Variants in COL25A1 observed in about 807,000 individuals in gnomAD.
COL25A1 encodes collagen type XXV alpha 1 chain, also known as collagen alpha-1(XXV) chain.
A neutral mutation model predicts 128.4 loss-of-function variants in COL25A1; 103 were observed. That is an observed-to-expected ratio of 0.80 (90% confidence interval 0.68 to 0.94). COL25A1 has a LOEUF of 0.94. Among genes scored for constraint, COL25A1 ranks in the 40% least tolerant of loss-of-function variants. COL25A1 has a pLI of 0.00. For synonymous variants in COL25A1, 279 were observed against 277.2 expected (o/e 1.01, Z -0.06); for missense variants, 745 against 840.0 (o/e 0.89, Z 1.40).
At chr4:109,096,019 G>A (rs542699697) in intron 3 of COL25A1, among the ~76,000 whole-genome samples, 1 of 152,300 alleles carries the variant, frequency 6.6e-6, no homozygotes, top group South Asian at 2.1e-4. Context: ...AACTGAAGTG[G>A]AGCGAACGTG....
At chr4:108,845,546 T>C (rs1175210437) in intron 28 of COL25A1, among the ~76,000 whole-genome samples, 1 of 152,236 alleles carries the variant, frequency 6.6e-6, no homozygotes, top group Non-Finnish European at 1.5e-5. Context: ...TTATATCTTT[T>C]ATGGTGGTGC....
chr4:109,036,210 A>G (rs942837617), intron 5 of COL25A1, among the ~76,000 whole-genome samples: 1 of 152,096 alleles, frequency 6.6e-6, no homozygotes, highest in African/African-American at 2.4e-5. Flanking sequence ...TACAGGCATG[A>G]GCTACCATGC....
chr4:109,268,171 C>T (rs1327925662), intron 3 of COL25A1, among the ~76,000 whole-genome samples: 1 of 152,186 alleles, frequency 6.6e-6, no homozygotes, highest in African/African-American at 2.4e-5. Flanking sequence ...AGCACAATTA[C>T]TTTTGTCACA....
At chr4:109,094,737 G>T (rs1028249794) in intron 3 of COL25A1, among the ~76,000 whole-genome samples, 1 of 152,162 alleles carries the variant, frequency 6.6e-6, no homozygotes, top group South Asian at 2.1e-4. Context: ...TAGAATTTCA[G>T]ACAATCAGTG....
At chr4:109,275,205 G>C (rs545038379) in intron 3 of COL25A1, among the ~76,000 whole-genome samples, 44 of 152,236 alleles carry the variant, frequency 2.9e-4, no homozygotes, top group African/African-American at 1.1e-3. Flanking sequence ...CGTGCATGTA[G>C]CATGGCTGGG....
intron 6 of COL25A1, among the ~76,000 whole-genome samples, chr4:108,988,538 G>A (rs1753864602): frequency 6.6e-6 from 1 of 152,204 alleles, no homozygotes; most frequent in Non-Finnish European, 1.5e-5. Context: ...GTCTCCTGGA[G>A]AGGAAATGAA....
intron 3 of COL25A1, among the ~76,000 whole-genome samples, chr4:109,290,903 T>C (rs545135130): frequency 1.3e-5 from 2 of 152,270 alleles, no homozygotes; most frequent in South Asian, 4.1e-4. Context: ...TTTCCAGCCT[T>C]TCTTACTTGT....
intron 5 of COL25A1, among the ~76,000 whole-genome samples, chr4:109,026,157 C>T (rs185888458): frequency 4.5e-4 from 68 of 150,148 alleles, no homozygotes; most frequent in Non-Finnish European, 8.9e-4. Flanking sequence ...AATTAGTTCG[C>T]GGGTTCTCTA....
rs77374570 is a variant in COL25A1, at chr4:109,204,331, C to T, written c.367+96252G>A. 0.011 allele frequency among the ~76,000 whole-genome samples: 1,640 copies of T among 152,204 alleles called. 59 individuals carry two copies. The South Asian group carries it at 0.14, about 13-fold the overall frequency. On this transcript the variant is annotated intron_variant, in intron 3 of 37. Transcript: ENST00000399132. ...ACATTTTTATATAGGTTATCAGTTT[C>T]GCATTATAATTTGAGATAATAATTC... is the stretch of plus-strand genomic sequence containing the variant.
At chr4:108,846,058 A>G in intron 28 of COL25A1, 81 bp downstream of exon 28, 1 of 922,072 alleles carries the variant, frequency 1.1e-6, no homozygotes. Context: ...AGCTAATAAT[A>G]TAACTCTTTT....
intron 3 of COL25A1, among the ~76,000 whole-genome samples, chr4:109,084,823 T>C (rs989621701): frequency 2.6e-5 from 4 of 152,198 alleles, no homozygotes; most frequent in Admixed American, 2.6e-4. Context: ...TCATTTTATG[T>C]TGTTTTCTGC....
At chr4:109,161,303 A>T (rs1156392769) in intron 3 of COL25A1, among the ~76,000 whole-genome samples, 1 of 152,232 alleles carries the variant, frequency 6.6e-6, no homozygotes, top group Non-Finnish European at 1.5e-5. Context: ...TCTATAGTGT[A>T]TGGGACAGCC....
At chr4:109,156,113 ACCT>A (rs1397480550) in intron 3 of COL25A1, among the ~76,000 whole-genome samples, 1 of 152,046 alleles carries the variant, frequency 6.6e-6, no homozygotes, top group Non-Finnish European at 1.5e-5. Context: ...CTCTAATTTG[ACCT>A]CCTGAGAAAG....
chr4:109,050,131 T>G lies in COL25A1; in HGVS notation c.412+4A>C, dbSNP rs1487791835. The G allele has an allele frequency of 6.2e-7, 1 of 1,608,946 alleles. No individual in the cohort carries two copies. The highest frequency in any genetic ancestry group is 8.5e-7 in the Non-Finnish European group (1 of 1,176,634). On this transcript the variant is annotated splice_donor_region_variant and intron_variant, in intron 4 of 37. Transcript: ENST00000399132. ...GACACAGAGCAGCTGAAAGAGAGAC[T>G]TACCAGATTCTCCTCTTCGGCCTCT...
Position 108,810,613 on chromosome 4 carries a change from CATCAA to C in COL25A1, c.*3309_*3313del. Reference sequence around the variant, plus strand: ...CTCTGATGCTAGTTTTGTCATGTTTCATCAAATCATATAAACTAAAAGACGAGTGA... The same window carrying C: ...CTCTGATGCTAGTTTTGTCATGTTTCATCATATAAACTAAAAGACGAGTGA... On this transcript the variant is annotated 3_prime_UTR_variant, in exon 38 of 38. Transcript: ENST00000399132. The C allele has an allele frequency of 6.6e-6, 1 of 151,970 alleles. No individual in the cohort carries two copies. The highest frequency in any genetic ancestry group is 1.9e-4 in the East Asian group (1 of 5,180). 9.4% of individuals were successfully genotyped at this position (151,970 alleles called of 1,614,324 possible). A position where few individuals can be genotyped will look rare whatever the true frequency, so the allele number is the denominator to read the frequency against.
intron 6 of COL25A1, among the ~76,000 whole-genome samples, chr4:109,005,228 A>G (rs1302725546): frequency 1.3e-5 from 2 of 152,168 alleles, no homozygotes; most frequent in African/African-American, 2.4e-5. Context: ...GAGAGGTGGC[A>G]GGGAGTTGCT....
intron 8 of COL25A1, among the ~76,000 whole-genome samples, chr4:108,942,749 CTTTTTTTTT>C (rs746618908): frequency 7.1e-5 from 5 of 69,962 alleles, no homozygotes; most frequent in African/African-American, 2.7e-4. Flanking sequence ...CACATCTGGA[CTTTTTTTTT>C]TTTTTTTTTT....
chr4:108,975,632 G>A (rs887717838), intron 6 of COL25A1, among the ~76,000 whole-genome samples: 5 of 152,136 alleles, frequency 3.3e-5, no homozygotes, highest in Admixed American at 6.5e-5. Flanking sequence ...CCCCATCAGC[G>A]ATGTATAGAA....
intron 3 of COL25A1, among the ~76,000 whole-genome samples, chr4:109,142,138 A>G (rs1401372527): frequency 6.6e-6 from 1 of 152,080 alleles, no homozygotes; most frequent in Non-Finnish European, 1.5e-5. Flanking sequence ...CTTTGTTCTC[A>G]TTGGTTTCAA....
Sources: allele counts gnomAD v4.1 joint callset (sites outside exome capture counted in the v4.1 genomes callset), GRCh38; gene constraint gnomAD v4.1.1; transcripts MANE v1.5; gene names NCBI Gene and HGNC (gene_info 2026-07-23, HGNC 2026-07-21).